The following GYG2 variants were observed in gnomAD, a reference collection of about 807,000 sequenced individuals.
GYG2 encodes glycogenin-2.
In GYG2, 29 loss-of-function variants were observed where a neutral mutation model predicts 29.4. That is an observed-to-expected ratio of 0.99 (90% CI 0.74 to 1.35). The LOEUF (loss-of-function observed/expected upper bound fraction) is 1.35, where lower values mean the gene tolerates loss of function less well. Ranked by LOEUF, GYG2 falls within the 40% of genes most tolerant of loss-of-function variation. The probability of loss-of-function intolerance (pLI) is 0.00; values close to 1 mark genes in which losing one functional copy is unlikely to be tolerated. For synonymous variants in GYG2, 167 were observed against 172.3 expected, an observed-to-expected ratio of 0.97 and a Z score of 0.24; for missense variants, 370 against 385.7, an observed-to-expected ratio of 0.96 and a Z score of 0.34.
At position 2,842,185 on chromosome X, in the gene GYG2, CTTTCTTT is replaced by C. The variant is rs58249720; in HGVS notation, c.8-1010_8-1004del. Among the ~76,000 whole-genome samples, 835 of 102,698 alleles carry C rather than the reference CTTTCTTT, an allele frequency of 8.1e-3. 10 individuals are homozygous for C. The highest frequency in any genetic ancestry group is 0.027 in the African/African-American group (781 of 28,622). The allele number at this position is 102,698 out of a possible 115,157, so 89.2% of individuals were successfully genotyped here. A position where few individuals can be genotyped will look rare whatever the true frequency, so the allele number is the denominator to read the frequency against. On this transcript the variant is annotated intron_variant, in intron 2 of 10. Coordinates refer to ENST00000398806, the MANE Select transcript of GYG2 (RefSeq NM_001079855.2). ...GGAGCACGATTCTTTTCTTTCCTTT[CTTTCTTT>C]TTTCTTTTTTCTTTTTTTCAGAGAC...
At chrX:2,850,830 T>A (rs2087855027) in intron 3 of GYG2, among the ~76,000 whole-genome samples, 1 of 110,390 alleles carries the variant, frequency 9.1e-6, no homozygotes, top group Non-Finnish European at 1.9e-5. Context: ...CCTATCTCCC[T>A]TCGCTGACTC....
chrX:2,842,816 A>ATT lies in GYG2; in HGVS notation c.8-382_8-381dup, dbSNP rs397823825. ...TACTGAATATTCACTGCAAGTCGTG[A>ATT]TTTTTTTTTTTTTTTTGAGACAGGG... On this transcript the variant is annotated intron_variant, in intron 2 of 10. Transcript: ENST00000398806. Among the ~76,000 whole-genome samples the ATT allele has an allele frequency of 1.1e-3, 101 of 94,349 alleles. 1 individual carries two copies. The highest frequency in any genetic ancestry group is 1.4e-3 in the East Asian group (4 of 2,892). 81.9% of individuals were successfully genotyped at this position (94,349 alleles called of 115,157 possible).
In GYG2 at chrX:2,830,146, C is replaced by A. The variant is rs760495485; in HGVS notation, c.-43C>A. ...GAAGTCCACCCACTGCTCCCGGGCG[C>A]AGGTCTGCAGGTCCGCGCCCACTGC... On this transcript the variant is annotated 5_prime_UTR_variant, in exon 2 of 11. Coordinates refer to ENST00000398806, the MANE Select transcript of GYG2 (RefSeq NM_001079855.2). 8.4e-6 allele frequency: 10 copies of A among 1,197,308 alleles called. No individual in the cohort carries two copies. In the South Asian group the frequency reaches 1.6e-4, roughly 19 times the overall value.
Position 2,857,981 on chromosome X carries a change from C to T in GYG2, c.614+1357C>T, listed in dbSNP as rs181147546. 1.5e-3 allele frequency among the ~76,000 whole-genome samples: 172 copies of T among 111,272 alleles called. 1 individual carries two copies. The highest frequency in any genetic ancestry group is 4.9e-3 in the African/African-American group (149 of 30,706). On this transcript the variant is annotated intron_variant, in intron 6 of 10. Coordinates refer to ENST00000398806, the MANE Select transcript of GYG2 (RefSeq NM_001079855.2). ...GATGGAGCTAGGAAGAACCAGCTGT[C>T]GCCTCTTGGGAAAATGGATGGCACT...
In GYG2 at chrX:2,843,071, C is replaced by T. The variant is rs752854313; in HGVS notation, c.8-142C>T. ...CAAGCAATTCACCCACCTCAGCCTC[C>T]CAAAGTGCTGGAATGACAGGTGTGA... is the stretch of plus-strand genomic sequence containing the variant. On this transcript the variant is annotated intron_variant, in intron 2 of 10. Transcript: ENST00000398806. 2.7e-5 allele frequency: 15 copies of T among 556,517 alleles called. No homozygotes were observed. In the Admixed American group the frequency reaches 3.4e-4, roughly 13 times the overall value. The allele number at this position is 556,517 out of a possible 1,213,427, so 45.9% of individuals were successfully genotyped here.
chrX:2,858,427 C>T (rs2088075011), intron 6 of GYG2, among the ~76,000 whole-genome samples: 1 of 111,126 alleles, frequency 9.0e-6, no homozygotes, highest in Non-Finnish European at 1.9e-5. Flanking sequence ...GATCGTGCCA[C>T]TGCACTCCAG....
intron 5 of GYG2, among the ~76,000 whole-genome samples, chrX:2,856,221 A>G (rs1376609905): frequency 9.0e-6 from 1 of 111,617 alleles, no homozygotes; most frequent in Non-Finnish European, 1.9e-5. Context: ...TTAGGGGACC[A>G]GTGGAATGCT....
chrX:2,855,480 C>T (rs4892899), intron 5 of GYG2, among the ~76,000 whole-genome samples: 57,541 of 109,726 alleles, frequency 0.52, 11,569 homozygotes, highest in African/African-American at 0.75. Context: ...TCTAAACATA[C>T]CTAAACATCA....
At chrX:2,832,214 G>A (rs1680183641) in intron 2 of GYG2, among the ~76,000 whole-genome samples, 1 of 112,304 alleles carries the variant, frequency 8.9e-6, no homozygotes, top group Non-Finnish European at 1.9e-5. Flanking sequence ...GATGGGAAGC[G>A]GCTAACCTTC....
At chrX:2,864,648 C>G (rs2088255096) in intron 8 of GYG2, among the ~76,000 whole-genome samples, 1 of 111,788 alleles carries the variant, frequency 8.9e-6, no homozygotes, top group Admixed American at 9.5e-5. Flanking sequence ...TATTCCGTCA[C>G]TGAATCTTGT....
intron 5 of GYG2, 117 bp downstream of exon 5, chrX:2,855,272 G>A (rs1330440628): frequency 1.6e-5 from 10 of 611,210 alleles, no homozygotes; most frequent in South Asian, 2.9e-5. Context: ...ACAGGGATGC[G>A]GTCTGAGAAA....
At position 2,869,578 on chromosome X, in the gene GYG2, T is replaced by C. The variant is rs150711939; in HGVS notation, c.1039-6232T>C. ...ATGTCATAAAAGCTGAGTGTGCGTCTGGGGCTCTTTAGTCCAGTAGCTACT... is the reference window on the plus strand; with the variant it reads ...ATGTCATAAAAGCTGAGTGTGCGTCCGGGGCTCTTTAGTCCAGTAGCTACT... On this transcript the variant is annotated intron_variant, in intron 8 of 10. Transcript: ENST00000398806. Among the ~76,000 whole-genome samples, 618 of 112,619 alleles carry C rather than the reference T, an allele frequency of 5.5e-3. 4 individuals carry two copies. The highest frequency in any genetic ancestry group is 0.019 in the African/African-American group (588 of 31,063).
chrX:2,847,596 C>T (rs2087766642), intron 3 of GYG2, among the ~76,000 whole-genome samples: 4 of 105,580 alleles, frequency 3.8e-5, no homozygotes, highest in Admixed American at 1.0e-4. Context: ...CCCAGCTACT[C>T]GGTGAGGCTG....
intron 8 of GYG2, among the ~76,000 whole-genome samples, chrX:2,866,387 C>T (rs1348273232): frequency 1.8e-5 from 2 of 111,020 alleles, no homozygotes; most frequent in African/African-American, 3.3e-5. Context: ...CCCAGCTACT[C>T]GCAAGGCTGA....
intron 3 of GYG2, among the ~76,000 whole-genome samples, chrX:2,845,015 A>G (rs186260635): frequency 0.012 from 1,237 of 100,444 alleles, 27 homozygotes; most frequent in African/African-American, 0.021. Context: ...TTATATACAC[A>G]TGTGTATGTA....
chrX:2,868,555 G>T (rs138156093), intron 8 of GYG2, among the ~76,000 whole-genome samples: 3,641 of 109,888 alleles, frequency 0.033, 166 homozygotes, highest in African/African-American at 0.11. Context: ...TCCATCCTAA[G>T]GTCGGTGAAT....
chrX:2,865,649 G>A (rs1237629351), intron 8 of GYG2, among the ~76,000 whole-genome samples: 1 of 111,236 alleles, frequency 9.0e-6, no homozygotes, highest in Non-Finnish European at 1.9e-5. Flanking sequence ...ATCCTGCCTT[G>A]ATGCCCAAGG....
Position 2,881,197 on chromosome X carries a change from A to C in GYG2, c.1397A>C (p.Asp466Ala). Reference protein sequence around the residue: ...DAFARIQEKLDRFLQ With the variant: ...DAFARIQEKLARFLQ Reference sequence around the variant, plus strand: ...TTTGCTCGCATCCAGGAGAAGCTGGACCGGTTCCTGCAGTAATCCGGCAGC... The same window carrying C: ...TTTGCTCGCATCCAGGAGAAGCTGGCCCGGTTCCTGCAGTAATCCGGCAGC... Residue 466 changes from aspartate (D) to alanine (A), a missense_variant, in exon 11 of 11, where the codon GAC becomes GCC. Coordinates refer to ENST00000398806, the MANE Select transcript of GYG2 (RefSeq NM_001079855.2). 1 of 1,190,639 alleles carries C rather than the reference A, an allele frequency of 8.4e-7. No individual in the cohort carries two copies. Among genetic ancestry groups the C allele is most frequent in the Non-Finnish European group, 1.1e-6 (1 of 884,433 alleles).
At chrX:2,871,005 AT>A (rs67105360) in intron 8 of GYG2, among the ~76,000 whole-genome samples, 25 of 104,795 alleles carry the variant, frequency 2.4e-4, no homozygotes, top group African/African-American at 6.5e-4. Flanking sequence ...CCCAAAGAGG[AT>A]TTTTTTTTTT....
Sources: gnomAD v4.1 joint callset for allele counts (sites outside exome capture counted in the v4.1 genomes callset) on GRCh38, gnomAD v4.1.1 for gene constraint, MANE v1.5 for transcripts, NCBI Gene and HGNC (gene_info 2026-07-23, HGNC 2026-07-21) for gene names.